Variants in ATP2C2 observed in about 807,000 individuals in gnomAD.
The protein encoded by ATP2C2 is ATPase secretory pathway Ca2+ transporting 2.
A neutral mutation model predicts 110.8 loss-of-function variants in ATP2C2; 171 were observed. The ratio of observed to expected loss-of-function variants is 1.54; its 90% CI spans 1.36 to 1.75. The LOEUF is 1.75. Ranked by LOEUF, ATP2C2 falls within the 40% of genes most tolerant of loss-of-function variation. The pLI is 0.00. For missense variants in ATP2C2, 1,963 were observed against 1,235.0 expected (o/e 1.59, Z -8.84); for synonymous variants, 804 against 508.4 (o/e 1.58, Z -7.82).
intron 11 of ATP2C2, among the ~76,000 whole-genome samples, chr16:84,429,922 T>C (rs1908117478): frequency 6.6e-6 from 1 of 152,214 alleles, no homozygotes. Flanking sequence ...ATCAGCCAAA[T>C]GCTTCTCAGC....
intron 17 of ATP2C2, among the ~76,000 whole-genome samples, chr16:84,450,374 G>A (rs1219220754): frequency 3.9e-5 from 6 of 152,168 alleles, no homozygotes; most frequent in African/African-American, 1.4e-4. Flanking sequence ...CAACCTGCTA[G>A]ATCCCCTGGA....
In ATP2C2 at chr16:84,410,586, A is replaced by G; in HGVS notation, c.436A>G (p.Thr146Ala). Reference sequence around the variant, plus strand: ...TGTCTAGGCAGTGCTTGTCGTGGTCACTGTCGCCTTCATCCAGGTGAGTAT... The same window carrying G: ...TGTCTAGGCAGTGCTTGTCGTGGTCGCTGTCGCCTTCATCCAGGTGAGTAT... ...SIATAVLVVV[T>A]VAFIQEYRSE... The change falls in exon 5 of 27, where the codon ACT (threonine) becomes GCT (alanine). Residue 146 changes from threonine to alanine, a missense_variant. Physicochemically the swap from Thr to Ala is moderately conservative, Grantham distance 58. Transcript: ENST00000262429. 6.2e-7 allele frequency: 1 copy of G among 1,614,054 alleles called. No homozygotes were observed. Among genetic ancestry groups the G allele is most frequent in the Non-Finnish European group, 8.5e-7 (1 of 1,179,998 alleles).
At chr16:84,456,483 T>A in intron 21 of ATP2C2, among the ~76,000 whole-genome samples, 1 of 139,612 alleles carries the variant, frequency 7.2e-6, no homozygotes. Context: ...TGTTGGAAGT[T>A]CTGGCCAGGG....
intron 15 of ATP2C2, among the ~76,000 whole-genome samples, chr16:84,445,532 T>C (rs1441990872): frequency 3.9e-5 from 6 of 152,188 alleles, no homozygotes; most frequent in African/African-American, 4.8e-5. Context: ...TCCAGTCATG[T>C]TGGCTTAGGG....
At position 84,461,734 on chromosome 16, in the gene ATP2C2, C is replaced by T. The variant is rs546983862; in HGVS notation, c.2502C>T (p.Ser834=). The change falls in exon 25 of 27, where the codon AGC becomes AGT. Residue 834 remains serine, a synonymous_variant. Transcript: ENST00000262429. ...FWKEMPEDRA[S]TPRTTTMTFT... ...TCCAGATGCCTGAAGACAGAGCAAG[C>T]ACTCCCCGCACCACGACGATGACGT... The T allele has an allele frequency of 1.2e-6, 2 of 1,614,162 alleles. No homozygotes were observed. The highest frequency in any genetic ancestry group is 3.3e-4 in the Middle Eastern group (2 of 6,060).
chr16:84,423,149 G>A lies in ATP2C2; in HGVS notation c.844-39G>A, dbSNP rs752047785. 1.3e-5 allele frequency: 20 copies of A among 1,567,106 alleles called. No homozygotes were observed. In the East Asian group the frequency reaches 1.6e-4, roughly 12 times the overall value. On this transcript the variant is annotated intron_variant, in intron 9 of 26. Transcript: ENST00000262429. Reference sequence around the variant, plus strand: ...TTTGAACAAAGGCAGGCAGAAGCTAGGATCTTGTCCAACTAACCCATTGTG... The same window carrying A: ...TTTGAACAAAGGCAGGCAGAAGCTAAGATCTTGTCCAACTAACCCATTGTG...
chr16:84,448,487 C>G (rs1317721574), intron 16 of ATP2C2, 46 bp from the exon 17 acceptor site: 5 of 1,574,146 alleles, frequency 3.2e-6, no homozygotes, highest in Admixed American at 1.7e-5. Context: ...CAGTATGAAC[C>G]AAGGCTTCCA....
chr16:84,453,160 C>A lies in ATP2C2; in HGVS notation c.1854C>A (p.Asn618Lys), dbSNP rs747946460. The A allele has an allele frequency of 6.2e-7, 1 of 1,613,268 alleles. No individual in the cohort carries two copies. The highest frequency in any genetic ancestry group is 1.1e-5 in the South Asian group (1 of 91,004). The stretch of plus-strand genomic sequence containing the variant: ...AAGGAAGAAACATCGGCCTGTGCAA[C>A]GGGAAGCTGCAAGCCATGTCCGGGG... ...LAIGRNIGLC[N>K]GKLQAMSGEE... Residue 618 changes from asparagine to lysine, a missense_variant, in exon 19 of 27, where the codon AAC (asparagine) becomes AAA (lysine). Physicochemically the swap from Asn to Lys is moderately conservative, Grantham distance 94. Transcript: ENST00000262429.
chr16:84,434,748 C>A (rs1039453436), intron 11 of ATP2C2, among the ~76,000 whole-genome samples: 5 of 152,102 alleles, frequency 3.3e-5, no homozygotes, highest in African/African-American at 1.2e-4. Flanking sequence ...AAACCCCTGA[C>A]CTCAAGTGTT....
chr16:84,416,468 G>A (rs538169994), intron 7 of ATP2C2, among the ~76,000 whole-genome samples: 57 of 152,284 alleles, frequency 3.7e-4, no homozygotes, highest in African/African-American at 1.3e-3. Flanking sequence ...TCAAGGACCC[G>A]CTATTAAGAG....
intron 11 of ATP2C2, among the ~76,000 whole-genome samples, chr16:84,435,788 C>T (rs561992586): frequency 6.6e-6 from 1 of 151,916 alleles, no homozygotes; most frequent in African/African-American, 2.4e-5. Flanking sequence ...GATGGTGACA[C>T]TGCACTCCAG....
chr16:84,368,948 C>T lies in ATP2C2; in HGVS notation c.99+234C>T, dbSNP rs189924179. Among the ~76,000 whole-genome samples, 158 of 152,324 alleles carry T rather than the reference C, an allele frequency of 1.0e-3. 1 individual carries two copies. Among genetic ancestry groups the T allele is most frequent in the African/African-American group, 3.6e-3 (149 of 41,580 alleles). On this transcript the variant is annotated intron_variant, in intron 1 of 26. Coordinates refer to ENST00000262429, the MANE Select transcript of ATP2C2 (RefSeq NM_014861.4). ...CATTTTGTGGTTGAGAAACTGAGGC[C>T]GAGAGTGGTTAAGTATATTCCCTAA...
chr16:84,455,998 A>G (rs1910758336), intron 21 of ATP2C2, among the ~76,000 whole-genome samples: 8 of 110,222 alleles, frequency 7.3e-5, no homozygotes, highest in African/African-American at 2.9e-4. Context: ...ATGGTGGATA[A>G]GCTTTTTGAT....
In ATP2C2 at chr16:84,448,652, G is replaced by T. The variant is rs1404732497; in HGVS notation, c.1623G>T (p.Leu541=). ...PLTPQQRSFC[L]QEEKRMGSLG... ...CGCCCCAGCAGAGGTCATTCTGCCT[G>T]CAGGAAGAGAAGAGGATGGGGTCGC... Residue 541 remains leucine (L), a synonymous_variant, in exon 17 of 27, where the codon CTG becomes CTT. Transcript: ENST00000262429. 1 of 1,613,768 alleles carries T rather than the reference G, an allele frequency of 6.2e-7. No individual in the cohort carries two copies. Among genetic ancestry groups the T allele is most frequent in the Non-Finnish European group, 8.5e-7 (1 of 1,179,892 alleles).
chr16:84,402,855 G>C (rs74378471), intron 2 of ATP2C2, among the ~76,000 whole-genome samples: 8,448 of 152,258 alleles, frequency 0.055, 322 homozygotes, highest in East Asian at 0.096. Context: ...TATTTAGTAG[G>C]ATTGGTATCG....
intron 11 of ATP2C2, among the ~76,000 whole-genome samples, chr16:84,432,243 G>C (rs1259834337): frequency 6.6e-6 from 1 of 152,112 alleles, no homozygotes; most frequent in Non-Finnish European, 1.5e-5. Flanking sequence ...CCAATGTGTT[G>C]AGACTCACAT....
At chr16:84,380,791 G>C (rs1398210553) in intron 1 of ATP2C2, among the ~76,000 whole-genome samples, 1 of 152,162 alleles carries the variant, frequency 6.6e-6, no homozygotes, top group Non-Finnish European at 1.5e-5. Context: ...GTCTGTTGTG[G>C]AATGGAGTCA....
At chr16:84,415,383 A>C in intron 6 of ATP2C2, 100 bp from the exon 7 acceptor site, 2 of 995,246 alleles carry the variant, frequency 2.0e-6, no homozygotes. Context: ...GTATATTAAA[A>C]GAGAAAAGTG....
Position 84,412,865 on chromosome 16 carries a change from G to A in ATP2C2, c.515+2100G>A, listed in dbSNP as rs573816412. Among the ~76,000 whole-genome samples the A allele has an allele frequency of 3.4e-4, 51 of 152,114 alleles. 1 individual carries two copies. Among genetic ancestry groups the A allele is most frequent in the African/African-American group, 1.2e-3 (48 of 41,488 alleles). On this transcript the variant is annotated intron_variant, in intron 6 of 26. Coordinates refer to ENST00000262429, the MANE Select transcript of ATP2C2 (RefSeq NM_014861.4). ...AATCCCAGCACTTTGGGAGGCCGAG[G>A]TAGGCAGCTCACCTGAGGTCAGGAG...
Sources: gnomAD v4.1 joint callset for allele counts (sites outside exome capture counted in the v4.1 genomes callset) on GRCh38, gnomAD v4.1.1 for gene constraint, MANE v1.5 for transcripts, NCBI Gene and HGNC (gene_info 2026-07-23, HGNC 2026-07-21) for gene names.